Variants in SCIN observed in about 807,000 individuals in gnomAD.
The protein encoded by SCIN is scinderin.
SCIN carries 91 observed loss-of-function variants against 91.8 expected under a neutral mutation model. The ratio of observed to expected loss-of-function variants is 0.99; its 90% CI spans 0.84 to 1.18. The LOEUF (loss-of-function observed/expected upper bound fraction) is 1.18, where lower values mean the gene tolerates loss of function less well. SCIN is among the 50% of genes most tolerant of loss of function. SCIN has a pLI of 0.00. For synonymous variants in SCIN, 367 were observed against 312.6 expected, an observed-to-expected ratio of 1.17 and a Z score of -1.84; for missense variants, 1,087 against 863.9, an observed-to-expected ratio of 1.26 and a Z score of -3.24.
chr7:12,642,040 G>A (rs1023419208), intron 11 of SCIN, among the ~76,000 whole-genome samples: 1 of 150,926 alleles, frequency 6.6e-6, no homozygotes, highest in Non-Finnish European at 1.5e-5. Flanking sequence ...ATATGATGAA[G>A]TGTCTTGTAA....
At chr7:12,636,687 G>C (rs1436302387) in intron 10 of SCIN, among the ~76,000 whole-genome samples, 1 of 152,154 alleles carries the variant, frequency 6.6e-6, no homozygotes, top group Non-Finnish European at 1.5e-5. Context: ...CAGAGTCAGA[G>C]GGATGCAGCA....
At chr7:12,644,515 G>A in intron 12 of SCIN, 69 bp from the exon 13 acceptor site, 1 of 1,575,468 alleles carries the variant, frequency 6.3e-7, no homozygotes, top group East Asian at 2.3e-5. Context: ...GATAATATTT[G>A]TTCATATAAA....
chr7:12,623,555 A>C (rs886646409), intron 5 of SCIN, among the ~76,000 whole-genome samples: 4 of 152,132 alleles, frequency 2.6e-5, no homozygotes, highest in Non-Finnish European at 5.9e-5. Context: ...TGTTGAGGGT[A>C]ACAAAAACTG....
At chr7:12,585,444 C>T (rs954948152) in intron 3 of SCIN, among the ~76,000 whole-genome samples, 3 of 152,074 alleles carry the variant, frequency 2.0e-5, no homozygotes, top group African/African-American at 7.2e-5. Flanking sequence ...AAACTCATCC[C>T]CACCCAGAGC....
At chr7:12,592,907 T>A (rs1049845375) in intron 3 of SCIN, among the ~76,000 whole-genome samples, 1 of 152,158 alleles carries the variant, frequency 6.6e-6, no homozygotes, top group Non-Finnish European at 1.5e-5. Context: ...TGGGCTCCGA[T>A]GCAGTGATGG....
chr7:12,626,322 A>G (rs1490178064), intron 7 of SCIN: 5 of 433,910 alleles, frequency 1.2e-5, no homozygotes, highest in Non-Finnish European at 2.0e-5. Context: ...TCCAGGTCAC[A>G]GAGCTCTTGT....
chr7:12,576,251 A>G (rs1340080443), intron 1 of SCIN, among the ~76,000 whole-genome samples: 1 of 152,186 alleles, frequency 6.6e-6, no homozygotes, highest in African/African-American at 2.4e-5. Flanking sequence ...GAATGACACC[A>G]GAGTCCTTTC....
chr7:12,591,548 G>C (rs1158247381), intron 3 of SCIN, among the ~76,000 whole-genome samples: 1 of 152,148 alleles, frequency 6.6e-6, no homozygotes, highest in Admixed American at 6.5e-5. Context: ...GAGAGTGAAA[G>C]GTTGGGAGAT....
At chr7:12,649,565 TAAG>T in intron 14 of SCIN, 21 bp downstream of exon 14, 1 of 1,549,564 alleles carries the variant, frequency 6.5e-7, no homozygotes, top group Non-Finnish European at 8.8e-7. Flanking sequence ...ATTTTGTTCA[TAAG>T]AAGAGAATGC....
chr7:12,609,543 G>A (rs1300115181), intron 4 of SCIN, among the ~76,000 whole-genome samples: 1 of 151,394 alleles, frequency 6.6e-6, no homozygotes, highest in Non-Finnish European at 1.5e-5. Flanking sequence ...AAACCCCAAG[G>A]AAAAAAATAC....
intron 3 of SCIN, among the ~76,000 whole-genome samples, chr7:12,592,542 G>A (rs1184875032): frequency 1.3e-5 from 2 of 152,030 alleles, no homozygotes; most frequent in Non-Finnish European, 2.9e-5. Context: ...AGAGAGGCAG[G>A]AAGTGGGTAC....
rs916212641 is a variant in SCIN at position 12,657,119 on chromosome 7, G to A, written c.*4404G>A. On this transcript the variant is annotated 3_prime_UTR_variant, in exon 16 of 16. Transcript: ENST00000297029. ...CAGTTTTTGTATTTTCTACTAAAAT[G>A]AACATACACATATCCTATAATCCAG... 6 of 150,208 alleles carry A rather than the reference G, an allele frequency of 4.0e-5. No homozygotes were observed. Among genetic ancestry groups the A allele is most frequent in the Non-Finnish European group, 8.8e-5 (6 of 67,812 alleles). 9.3% of individuals were successfully genotyped at this position (150,208 alleles called of 1,614,324 possible).
chr7:12,652,576 A>T lies in SCIN; in HGVS notation c.2021-12A>T. 6.2e-7 allele frequency: 1 copy of T among 1,611,626 alleles called. No homozygotes were observed. Among genetic ancestry groups the T allele is most frequent in the South Asian group, 1.1e-5 (1 of 90,718 alleles). ...ACTAACTGAATTTATATGTCTTTAC[A>T]ACTTTTTTTAGCCAAAATGTACCTT... On this transcript the variant is annotated splice_polypyrimidine_tract_variant and intron_variant, in intron 15 of 15. Transcript: ENST00000297029.
chr7:12,639,475 G>A (rs1446779635), intron 10 of SCIN, among the ~76,000 whole-genome samples: 1 of 152,198 alleles, frequency 6.6e-6, no homozygotes, highest in Admixed American at 6.5e-5. Context: ...CAAACCAGGG[G>A]AAGTGAGACA....
chr7:12,604,397 C>G (rs1026696927), intron 3 of SCIN, 117 bp from the exon 4 acceptor site: 6 of 881,316 alleles, frequency 6.8e-6, no homozygotes, highest in African/African-American at 6.8e-5. Context: ...ATGTATATAC[C>G]TCAACAATAG....
At chr7:12,616,734 A>G (rs1783306818) in intron 4 of SCIN, among the ~76,000 whole-genome samples, 1 of 152,164 alleles carries the variant, frequency 6.6e-6, no homozygotes, top group Admixed American at 6.5e-5. Context: ...GTACAAGACT[A>G]TATGGGAAAA....
chr7:12,600,934 G>A (rs1206959668), intron 3 of SCIN, among the ~76,000 whole-genome samples: 1 of 152,086 alleles, frequency 6.6e-6, no homozygotes, highest in Non-Finnish European at 1.5e-5. Context: ...TGCTAACTTT[G>A]TCATGGTATT....
chr7:12,616,705 C>A (rs181503012), intron 4 of SCIN, among the ~76,000 whole-genome samples: 12 of 151,998 alleles, frequency 7.9e-5, no homozygotes, highest in African/African-American at 2.7e-4. Flanking sequence ...TATCTTGCCT[C>A]ACCAAAATAA....
chr7:12,625,700 C>T lies in SCIN; in HGVS notation c.893-62C>T, dbSNP rs575727196. 17 of 1,135,344 alleles carry T rather than the reference C, an allele frequency of 1.5e-5. No homozygotes were observed. In the African/African-American group the frequency reaches 2.3e-4, roughly 16 times the overall value. The allele number at this position is 1,135,344 out of a possible 1,614,324, so 70.3% of individuals were successfully genotyped here. A position where few individuals can be genotyped will look rare whatever the true frequency, so the allele number is the denominator to read the frequency against. Reference sequence around the variant, plus strand: ...TGTTTATTATGGTACACAAGTATTTCTTAATCATAGAATGTCTTCCTTCTC... The same window carrying T: ...TGTTTATTATGGTACACAAGTATTTTTTAATCATAGAATGTCTTCCTTCTC... On this transcript the variant is annotated intron_variant, in intron 6 of 15. Transcript: ENST00000297029.
Sources: gnomAD v4.1 joint callset for allele counts (sites outside exome capture counted in the v4.1 genomes callset) on GRCh38, gnomAD v4.1.1 for gene constraint, MANE v1.5 for transcripts, NCBI Gene and HGNC (gene_info 2026-07-23, HGNC 2026-07-21) for gene names.